The following CTNNA2 variants were observed in gnomAD, a reference collection of about 807,000 sequenced individuals.
The protein encoded by CTNNA2 is catenin alpha-2.
A neutral mutation model predicts 101.0 loss-of-function variants in CTNNA2; 42 were observed. The ratio of observed to expected loss-of-function variants is 0.42; its 90% CI spans 0.32 to 0.54. The LOEUF is 0.54. Among genes scored for constraint, CTNNA2 ranks in the 20% least tolerant of loss-of-function variants. CTNNA2 has a pLI of 0.14. For missense variants in CTNNA2, 871 were observed against 1,223.1 expected, an observed-to-expected ratio of 0.71 and a Z score of 4.29; for synonymous variants, 450 against 456.4, an observed-to-expected ratio of 0.99 and a Z score of 0.18.
At chr2:79,786,429 A>G (rs1241343235) in intron 3 of CTNNA2, among the ~76,000 whole-genome samples, 1 of 152,096 alleles carries the variant, frequency 6.6e-6, no homozygotes, top group East Asian at 1.9e-4. Context: ...CTACTTTAAG[A>G]TTTACTGTTG....
intron 11 of CTNNA2, among the ~76,000 whole-genome samples, chr2:80,548,674 C>T (rs927965830): frequency 2.0e-5 from 3 of 152,146 alleles, no homozygotes; most frequent in African/African-American, 7.2e-5. Flanking sequence ...CTGGAGCATG[C>T]CTTTGGAGTT....
rs183893244 is a variant in CTNNA2 at position 79,744,625 on chromosome 2, T to C, written c.298+43T>C. 510 of 1,519,138 alleles carry C rather than the reference T, an allele frequency of 3.4e-4. 5 individuals carry two copies. In the African/African-American group the frequency reaches 6.6e-3, roughly 20 times the overall value. 94.1% of individuals were successfully genotyped at this position (1,519,138 alleles called of 1,614,324 possible). On this transcript the variant is annotated intron_variant, in intron 3 of 18. Transcript: ENST00000402739. Reference sequence around the variant, plus strand: ...ATTGTTCAAGGCGGATCTATACTGATGTGCAAACAATGGCTTTTTCTTTAG... The same window carrying C: ...ATTGTTCAAGGCGGATCTATACTGACGTGCAAACAATGGCTTTTTCTTTAG...
At chr2:80,636,797 C>A (rs1034039970) in intron 18 of CTNNA2, among the ~76,000 whole-genome samples, 3 of 152,224 alleles carry the variant, frequency 2.0e-5, no homozygotes, top group Non-Finnish European at 4.4e-5. Context: ...CACCTTGACT[C>A]TCTATTATCA....
chr2:79,752,175 G>A (rs539939242), intron 3 of CTNNA2, among the ~76,000 whole-genome samples: 1 of 152,164 alleles, frequency 6.6e-6, no homozygotes, highest in East Asian at 1.9e-4. Context: ...AGAGAGAGGA[G>A]AACAGAGGGA....
At chr2:80,259,447 G>A (rs1672425292) in intron 7 of CTNNA2, among the ~76,000 whole-genome samples, 1 of 152,162 alleles carries the variant, frequency 6.6e-6, no homozygotes, top group South Asian at 2.1e-4. Context: ...TACTGAGGGA[G>A]GTCACAGGAG....
intron 7 of CTNNA2, among the ~76,000 whole-genome samples, chr2:80,309,588 G>T (rs1677345459): frequency 6.6e-6 from 1 of 152,134 alleles, no homozygotes; most frequent in Non-Finnish European, 1.5e-5. Context: ...AGTGAAATAG[G>T]GCTAAGGATG....
At chr2:79,214,202 T>A (rs56289181) in intron 2 of CTNNA2, among the ~76,000 whole-genome samples, 1 of 152,178 alleles carries the variant, frequency 6.6e-6, no homozygotes, top group South Asian at 2.1e-4. Flanking sequence ...ATGGGGGCTG[T>A]CTGTGAAGCT....
In CTNNA2 at chr2:80,135,222, G is replaced by A. The variant is rs967507461; in HGVS notation, c.1056+225425G>A. Among the ~76,000 whole-genome samples, 9 of 152,164 alleles carry A rather than the reference G, an allele frequency of 5.9e-5. 1 individual carries two copies. The highest frequency in any genetic ancestry group is 5.9e-4 in the Admixed American group (9 of 15,274). Reference sequence around the variant, plus strand: ...GACTTGGGCTAGGGGCCAACCAGCAGGACCTAACTTTACTGCTCCTAGCAG... The same window carrying A: ...GACTTGGGCTAGGGGCCAACCAGCAAGACCTAACTTTACTGCTCCTAGCAG... On this transcript the variant is annotated intron_variant, in intron 7 of 18. Transcript: ENST00000402739.
At chr2:79,409,660 T>A (rs1256185747) in intron 4 of CTNNA2, among the ~76,000 whole-genome samples, 21 of 150,504 alleles carry the variant, frequency 1.4e-4, no homozygotes, top group African/African-American at 3.9e-4. Flanking sequence ...TTGATCTATA[T>A]CTCTGTTTTG....
intron 8 of CTNNA2, among the ~76,000 whole-genome samples, chr2:80,411,892 T>C (rs764555294): frequency 1.3e-5 from 2 of 152,220 alleles, no homozygotes; most frequent in Non-Finnish European, 2.9e-5. Context: ...TAAATGAAGA[T>C]TGCTATTATG....
At position 80,619,106 on chromosome 2, in the gene CTNNA2, A is replaced by G. The variant is rs1165679696; in HGVS notation, c.2452A>G (p.Thr818Ala). Reference protein sequence around the residue: ...VSGTGVQSTFTTFYEVDCDVI... With the variant: ...VSGTGVQSTFATFYEVDCDVI... ...TCAGACAGGAGTTCAGAGCACTTTCACTACCTTTTATGAGGTAGATTGTGA... is the reference window on the plus strand; with the variant it reads ...TCAGACAGGAGTTCAGAGCACTTTCGCTACCTTTTATGAGGTAGATTGTGA... Residue 818 changes from threonine to alanine, a missense_variant, in exon 18 of 19, where the codon ACT becomes GCT. Thr to Ala is a moderately conservative substitution (Grantham distance 58). Around this residue, in one of 5 missense-constraint regions of CTNNA2, gnomAD observed 65 missense variants for 53.3 expected, o/e 1.22. Transcript: ENST00000402739. 3 of 1,526,212 alleles carry G rather than the reference A, an allele frequency of 2.0e-6. No individual in the cohort carries two copies. The African/African-American group carries it at 4.2e-5, about 22-fold the overall frequency. The allele number at this position is 1,526,212 out of a possible 1,614,324, so 94.5% of individuals were successfully genotyped here.
At chr2:80,019,486 A>G (rs182239302) in intron 7 of CTNNA2, among the ~76,000 whole-genome samples, 139 of 152,356 alleles carry the variant, frequency 9.1e-4, no homozygotes, top group Non-Finnish European at 1.8e-3. Context: ...TGCTAGCCCT[A>G]AAATAGAGGA....
chr2:79,535,185 A>G (rs1298118894), intron 1 of CTNNA2, among the ~76,000 whole-genome samples: 2 of 152,170 alleles, frequency 1.3e-5, no homozygotes, highest in African/African-American at 4.8e-5. Flanking sequence ...AATCTTTCAG[A>G]AAAATGAATA....
chr2:79,298,684 C>A (rs1202282825), intron 2 of CTNNA2, among the ~76,000 whole-genome samples: 2 of 152,188 alleles, frequency 1.3e-5, no homozygotes, highest in African/African-American at 2.4e-5. Context: ...CCAACTCCCC[C>A]TTAGACACTG....
rs572789642 is a variant in CTNNA2, at chr2:80,492,279, G to A, written c.1291-52703G>A. ...ACATGCTTGCTTCCCTTTGCCTTCC[G>A]TCATGACTATAAGTTTCCTGAGGAC... is the stretch of plus-strand genomic sequence containing the variant. On this transcript the variant is annotated intron_variant, in intron 9 of 18. Coordinates refer to ENST00000402739, the MANE Select transcript of CTNNA2 (RefSeq NM_001282597.3). Among the ~76,000 whole-genome samples, 5 of 152,098 alleles carry A rather than the reference G, an allele frequency of 3.3e-5. No homozygotes were observed. The East Asian group carries it at 5.8e-4, about 18-fold the overall frequency.
intron 3 of CTNNA2, among the ~76,000 whole-genome samples, chr2:79,369,137 C>G (rs960740814): frequency 7.2e-5 from 11 of 152,080 alleles, no homozygotes; most frequent in African/African-American, 2.7e-4. Flanking sequence ...GAGCTGTTGG[C>G]AATAAGGGAG....
chr2:79,436,756 C>A (rs577943216), intron 4 of CTNNA2, among the ~76,000 whole-genome samples: 1 of 151,986 alleles, frequency 6.6e-6, no homozygotes, highest in Non-Finnish European at 1.5e-5. Context: ...CTCAGCCTCC[C>A]GAGTATCTGG....
At chr2:79,479,693 C>T (rs1453272825) in intron 4 of CTNNA2, among the ~76,000 whole-genome samples, 8 of 152,010 alleles carry the variant, frequency 5.3e-5, no homozygotes, top group East Asian at 1.9e-4. Flanking sequence ...GAGGCCGAGG[C>T]GGGCGGATTG....
At chr2:80,074,967 C>T (rs557973248) in intron 7 of CTNNA2, among the ~76,000 whole-genome samples, 12 of 152,228 alleles carry the variant, frequency 7.9e-5, no homozygotes, top group South Asian at 4.1e-4. Context: ...TAGGGAAGTC[C>T]GTTAAAACTA....
Sources: allele counts gnomAD v4.1 joint callset (sites outside exome capture counted in the v4.1 genomes callset), GRCh38; gene constraint gnomAD v4.1.1; regional missense constraint gnomAD v4.1.1; transcripts MANE v1.5; gene names NCBI Gene and HGNC (gene_info 2026-07-23, HGNC 2026-07-21).